Variants in ZFHX3 observed in about 807,000 individuals in gnomAD.
ZFHX3 encodes zinc finger homeobox protein 3.
A neutral mutation model predicts 279.1 loss-of-function variants in ZFHX3; 42 were observed. The observed-to-expected ratio is 0.15, with a 90% CI of 0.12 to 0.19. The LOEUF (loss-of-function observed/expected upper bound fraction) is 0.19, where lower values mean the gene tolerates loss of function less well. Among genes scored for constraint, ZFHX3 ranks in the 10% least tolerant of loss-of-function variants. The probability of loss-of-function intolerance (pLI) is 1.00; values close to 1 mark genes in which losing one functional copy is unlikely to be tolerated. For missense variants in ZFHX3, 4,981 were observed against 4,754.0 expected, an observed-to-expected ratio of 1.05 and a Z score of -1.40; for synonymous variants, 2,293 against 1,957.8, an observed-to-expected ratio of 1.17 and a Z score of -4.52.
intron 3 of ZFHX3, among the ~76,000 whole-genome samples, chr16:73,337,618 T>G (rs1166936572): frequency 2.0e-5 from 3 of 152,030 alleles, no homozygotes; most frequent in African/African-American, 4.8e-5. Context: ...TCTCCATCCC[T>G]GCTTGCCATT....
chr16:73,446,917 A>T (rs2018196623), intron 3 of ZFHX3, among the ~76,000 whole-genome samples: 1 of 152,176 alleles, frequency 6.6e-6, no homozygotes, highest in Admixed American at 6.5e-5. Context: ...ACGGTGGCTC[A>T]CACCTGTAAT....
chr16:72,796,894 AAGGCTCAGAACCACCCCCTGG>A lies in ZFHX3; in HGVS notation c.5767_5787del (p.Pro1923_Pro1929del). On this transcript the variant is annotated inframe_deletion, in exon 9 of 10. Transcript: ENST00000268489. Reference sequence around the variant, plus strand: ...GAAGCAATGCGTGGAGGGAGCATGGAAGGCTCAGAACCACCCCCTGGTGCCAACTCTTTCTTCTCTTTGGCC... The same window carrying A: ...GAAGCAATGCGTGGAGGGAGCATGGATGCCAACTCTTTCTTCTCTTTGGCC... The A allele has an allele frequency of 6.2e-7, 1 of 1,613,652 alleles. No individual in the cohort carries two copies. Among genetic ancestry groups the A allele is most frequent in the Non-Finnish European group, 8.5e-7 (1 of 1,179,952 alleles).
intron 2 of ZFHX3, among the ~76,000 whole-genome samples, chr16:73,478,001 A>G (rs1393535233): frequency 1.3e-5 from 2 of 152,100 alleles, no homozygotes; most frequent in Non-Finnish European, 2.9e-5. Flanking sequence ...GGCTGGGCGC[A>G]GTGACTCATG....
At chr16:73,433,638 G>A (rs1389822111) in intron 3 of ZFHX3, among the ~76,000 whole-genome samples, 1 of 152,172 alleles carries the variant, frequency 6.6e-6, no homozygotes. Context: ...GGGGGACCAT[G>A]CTCCTAGGGG....
intron 1 of ZFHX3, among the ~76,000 whole-genome samples, chr16:73,774,530 C>A (rs2054055607): frequency 6.6e-6 from 1 of 152,198 alleles, no homozygotes; most frequent in Admixed American, 6.5e-5. Flanking sequence ...CAGACTCAAT[C>A]TTTATACCAC....
At chr16:73,860,082 G>A (rs1327035552) in intron 1 of ZFHX3, among the ~76,000 whole-genome samples, 1 of 152,204 alleles carries the variant, frequency 6.6e-6, no homozygotes, top group Non-Finnish European at 1.5e-5. Flanking sequence ...ATTGCCGGAT[G>A]TGAACAAAGA....
At chr16:73,459,708 G>T (rs1016609495) in intron 2 of ZFHX3, among the ~76,000 whole-genome samples, 2 of 152,116 alleles carry the variant, frequency 1.3e-5, no homozygotes, top group Non-Finnish European at 2.9e-5. Flanking sequence ...GCATGGTTGG[G>T]TAGGCCTGAG....
At chr16:72,876,967 G>C (rs934311829) in intron 4 of ZFHX3, among the ~76,000 whole-genome samples, 2 of 152,156 alleles carry the variant, frequency 1.3e-5, no homozygotes, top group Non-Finnish European at 2.9e-5. Context: ...TTCCAAAATA[G>C]TTATTGAAAA....
intron 1 of ZFHX3, among the ~76,000 whole-genome samples, chr16:72,974,088 C>A (rs1413222010): frequency 6.6e-6 from 1 of 152,192 alleles, no homozygotes; most frequent in Admixed American, 6.5e-5. Context: ...CAAGGCTGCA[C>A]AAACCCAAGA....
intron 4 of ZFHX3, among the ~76,000 whole-genome samples, chr16:72,861,677 A>G (rs1033959920): frequency 2.9e-4 from 44 of 152,224 alleles, no homozygotes; most frequent in Non-Finnish European, 5.6e-4. Context: ...AGAACCAGAA[A>G]GCCTAACCTG....
intron 3 of ZFHX3, among the ~76,000 whole-genome samples, chr16:73,338,738 G>C (rs1023112798): frequency 6.6e-6 from 1 of 152,110 alleles, no homozygotes; most frequent in Non-Finnish European, 1.5e-5. Context: ...ATATAGTTTG[G>C]ATGTGTGTCC....
chr16:73,259,959 A>G (rs2013772318), intron 4 of ZFHX3, among the ~76,000 whole-genome samples: 1 of 152,164 alleles, frequency 6.6e-6, no homozygotes, highest in South Asian at 2.1e-4. Flanking sequence ...CAACTGCTTT[A>G]CTATTGTCCT....
intron 5 of ZFHX3, among the ~76,000 whole-genome samples, chr16:73,169,781 TTA>T (rs1407697961): frequency 6.6e-6 from 1 of 152,184 alleles, no homozygotes; most frequent in African/African-American, 2.4e-5. Context: ...ATTCTTGATA[TTA>T]ATGGATGACA....
intron 5 of ZFHX3, among the ~76,000 whole-genome samples, chr16:73,204,120 T>G (rs986038014): frequency 6.6e-6 from 1 of 152,048 alleles, no homozygotes; most frequent in Non-Finnish European, 1.5e-5. Context: ...TTTTCTCCAC[T>G]GCAGTGGTCC....
intron 3 of ZFHX3, among the ~76,000 whole-genome samples, chr16:73,375,253 T>C (rs1315389675): frequency 2.0e-5 from 3 of 152,238 alleles, no homozygotes; most frequent in Non-Finnish European, 4.4e-5. Flanking sequence ...ATGGTAGTTA[T>C]TTTTGATAAT....
chr16:72,913,610 G>C (rs554529972), intron 3 of ZFHX3, among the ~76,000 whole-genome samples: 1 of 152,274 alleles, frequency 6.6e-6, no homozygotes, highest in East Asian at 1.9e-4. Flanking sequence ...GTTTCTCCAA[G>C]GGTAAGTTAA....
intron 1 of ZFHX3, among the ~76,000 whole-genome samples, chr16:73,842,733 CA>C (rs951290071): frequency 1.8e-4 from 27 of 152,184 alleles, no homozygotes; most frequent in African/African-American, 6.5e-4. Flanking sequence ...CACTTCCACA[CA>C]CGGAGGTTCC....
chr16:73,498,875 G>A (rs963605272), intron 2 of ZFHX3, among the ~76,000 whole-genome samples: 11 of 152,154 alleles, frequency 7.2e-5, no homozygotes, highest in Non-Finnish European at 5.9e-5. Context: ...AGCTGGGCGG[G>A]GCAGGGAGTG....
rs936346164 is a variant in ZFHX3 at position 73,047,781 on chromosome 16, G to C, written c.-79C>G. ...CACACCAAGCCTCCGCGCACCTCCG[G>C]AGGGAGGCGGCACTTGCAGGTCCGG... On this transcript the variant is annotated 5_prime_UTR_variant, in exon 1 of 10. Transcript: ENST00000268489. The C allele has an allele frequency of 7.9e-5, 12 of 152,500 alleles. No homozygotes were observed. Among genetic ancestry groups the C allele is most frequent in the Admixed American group, 6.5e-4 (10 of 15,308 alleles). The allele number at this position is 152,500 out of a possible 1,614,324, so 9.4% of individuals were successfully genotyped here.
Sources: gnomAD v4.1 joint callset for allele counts (sites outside exome capture counted in the v4.1 genomes callset) on GRCh38, gnomAD v4.1.1 for gene constraint, MANE v1.5 for transcripts, NCBI Gene and HGNC (gene_info 2026-07-23, HGNC 2026-07-21) for gene names.